SLC25A20: variants seen among roughly 807,000 people sequenced by gnomAD.
The protein encoded by SLC25A20 is solute carrier family 25 member 20.
In SLC25A20, 29 loss-of-function variants were observed where a neutral mutation model predicts 39.7. That is an observed-to-expected ratio of 0.73 (90% CI 0.54 to 1.00). The LOEUF (loss-of-function observed/expected upper bound fraction) is 1.00, where lower values mean the gene tolerates loss of function less well. SLC25A20 is among the 50% of genes least tolerant of loss of function. The pLI, the probability that SLC25A20 is intolerant of heterozygous loss-of-function variation, is 0.00. For missense variants in SLC25A20, 333 were observed against 379.9 expected (o/e 0.88, Z 1.03); for synonymous variants, 103 against 142.2 (o/e 0.72, Z 1.96).
chr3:48,898,158 G>A (rs2083922964), intron 1 of SLC25A20, among the ~76,000 whole-genome samples: 2 of 152,286 alleles, frequency 1.3e-5, no homozygotes, highest in Non-Finnish European at 2.9e-5. Flanking sequence ...CTGCCCAGGA[G>A]GCTGAGCAGG....
rs574683335 is a variant in SLC25A20 at position 48,857,295 on chromosome 3, TGAA to T, written c.*412_*414del. 57 of 260,782 alleles carry T rather than the reference TGAA, an allele frequency of 2.2e-4. 1 individual carries two copies. The highest frequency in any genetic ancestry group is 1.1e-3 in the African/African-American group (51 of 45,108). 16.2% of individuals were successfully genotyped at this position (260,782 alleles called of 1,614,324 possible). ...CAAATGGGTATTCCTGGCTAGGGAC[TGAA>T]GAAGATCTCAGCTCCTGGTGATCTG... is the stretch of plus-strand genomic sequence containing the variant. On this transcript the variant is annotated 3_prime_UTR_variant, in exon 9 of 9. Transcript: ENST00000319017.
At chr3:48,871,274 C>A (rs2083712455) in intron 4 of SLC25A20, among the ~76,000 whole-genome samples, 1 of 150,618 alleles carries the variant, frequency 6.6e-6, no homozygotes, top group Non-Finnish European at 1.5e-5. Context: ...TCTAAATTTT[C>A]TAAATTATCC....
chr3:48,886,252 C>T (rs4974086), intron 2 of SLC25A20, among the ~76,000 whole-genome samples: 2,170 of 152,108 alleles, frequency 0.014, 171 homozygotes, highest in Admixed American at 0.12. Context: ...TGGCCGGGTG[C>T]GGTGGCTCAT....
intron 1 of SLC25A20, among the ~76,000 whole-genome samples, chr3:48,892,504 T>C (rs1370695986): frequency 6.6e-6 from 1 of 152,152 alleles, no homozygotes; most frequent in Non-Finnish European, 1.5e-5. Flanking sequence ...AATTGGCTCA[T>C]ACAATTATAA....
At chr3:48,892,199 T>A in intron 1 of SLC25A20, 127 bp from the exon 2 acceptor site, 1 of 744,002 alleles carries the variant, frequency 1.3e-6, no homozygotes, top group Non-Finnish European at 2.5e-6. Context: ...GGCATTCACT[T>A]AACCTGCTGG....
At chr3:48,886,609 A>C (rs962675442) in intron 2 of SLC25A20, among the ~76,000 whole-genome samples, 1 of 152,086 alleles carries the variant, frequency 6.6e-6, no homozygotes, top group African/African-American at 2.4e-5. Flanking sequence ...CAGCATAAAC[A>C]ACTGAAAAAA....
intron 3 of SLC25A20, among the ~76,000 whole-genome samples, chr3:48,882,691 C>G (rs1008185046): frequency 2.6e-5 from 4 of 152,042 alleles, no homozygotes; most frequent in Non-Finnish European, 4.4e-5. Context: ...GAGCACCCCC[C>G]GCCGCCCCGA....
intron 1 of SLC25A20, chr3:48,895,752 T>C (rs1344727677): frequency 2.2e-6 from 1 of 456,426 alleles, no homozygotes; most frequent in Non-Finnish European, 4.4e-6. Context: ...GAGGCCACCA[T>C]ACCTTTACAT....
intron 4 of SLC25A20, among the ~76,000 whole-genome samples, chr3:48,867,792 G>A (rs1247559659): frequency 1.3e-5 from 2 of 151,770 alleles, no homozygotes; most frequent in African/African-American, 4.8e-5. Context: ...CGGGCATGGT[G>A]GCTCATGCCT....
At chr3:48,871,799 A>G (rs2083717374) in intron 4 of SLC25A20, among the ~76,000 whole-genome samples, 1 of 150,932 alleles carries the variant, frequency 6.6e-6, no homozygotes, top group African/African-American at 2.4e-5. Context: ...GAGAGAGAGA[A>G]ACAAATCACA....
Position 48,878,963 on chromosome 3 carries a change from C to T in SLC25A20, c.417+395G>A, listed in dbSNP as rs1213577453. ...ACACAGCTCACTGCAACCTGTCTCCCGGGTTCAAGTGATTCTCCTGCCTCA... is the reference window on the plus strand; with the variant it reads ...ACACAGCTCACTGCAACCTGTCTCCTGGGTTCAAGTGATTCTCCTGCCTCA... On this transcript the variant is annotated intron_variant, in intron 4 of 8. Transcript: ENST00000319017. Among the ~76,000 whole-genome samples the T allele has an allele frequency of 9.2e-5, 14 of 151,904 alleles. No homozygotes were observed. In the South Asian group the frequency reaches 1.7e-3, roughly 18 times the overall value.
At position 48,868,594 on chromosome 3, in the gene SLC25A20, T is replaced by C. The variant is rs141255174; in HGVS notation, c.418-5935A>G. ...TGGTGAGTTCCTTGGGTTTTCCTTT[T>C]ACCCTGCATATGTCAGCTGAAAAAG... On this transcript the variant is annotated intron_variant, in intron 4 of 8. Coordinates refer to ENST00000319017, the MANE Select transcript of SLC25A20 (RefSeq NM_000387.6). Among the ~76,000 whole-genome samples the C allele has an allele frequency of 1.2e-4, 18 of 152,286 alleles. No individual in the cohort carries two copies. In the East Asian group the frequency reaches 2.5e-3, roughly 21 times the overall value.
At chr3:48,865,361 C>T (rs976946086) in intron 4 of SLC25A20, among the ~76,000 whole-genome samples, 4 of 151,798 alleles carry the variant, frequency 2.6e-5, no homozygotes, top group Non-Finnish European at 5.9e-5. Flanking sequence ...CTCTTGACCT[C>T]GTGATCCATC....
At chr3:48,887,760 G>A (rs2083840048) in intron 2 of SLC25A20, among the ~76,000 whole-genome samples, 1 of 152,094 alleles carries the variant, frequency 6.6e-6, no homozygotes, top group Non-Finnish European at 1.5e-5. Context: ...AAATTAGTCG[G>A]GCATGGTGGC....
At chr3:48,877,060 C>T (rs2083763683) in intron 4 of SLC25A20, among the ~76,000 whole-genome samples, 1 of 151,954 alleles carries the variant, frequency 6.6e-6, no homozygotes, top group Non-Finnish European at 1.5e-5. Flanking sequence ...CATACCACTG[C>T]ACTCCAGTCT....
chr3:48,874,408 T>C (rs1331157028), intron 4 of SLC25A20, among the ~76,000 whole-genome samples: 2 of 150,474 alleles, frequency 1.3e-5, no homozygotes, highest in Non-Finnish European at 3.0e-5. Context: ...CAAGGTTACA[T>C]TGTGCTATGA....
chr3:48,865,772 CAAAAA>C (rs1202666164), intron 4 of SLC25A20, among the ~76,000 whole-genome samples: 1 of 78,072 alleles, frequency 1.3e-5, no homozygotes, highest in African/African-American at 4.9e-5. Flanking sequence ...CTGTCTCAAA[CAAAAA>C]AAAAAAAAAG....
intron 6 of SLC25A20, 109 bp from the exon 7 acceptor site, chr3:48,859,310 G>T (rs2083605194): frequency 3.0e-6 from 3 of 1,016,186 alleles, no homozygotes; most frequent in Non-Finnish European, 4.6e-6. Flanking sequence ...AAACTGGTTG[G>T]AGGGAGGAGG....
intron 3 of SLC25A20, among the ~76,000 whole-genome samples, chr3:48,883,136 A>G (rs1356822171): frequency 2.0e-5 from 3 of 152,070 alleles, no homozygotes; most frequent in East Asian, 1.9e-4. Context: ...TGGAGCTTAC[A>G]GTGAGCCGAG....
Sources: gnomAD v4.1 joint callset for allele counts (sites outside exome capture counted in the v4.1 genomes callset) on GRCh38, gnomAD v4.1.1 for gene constraint, MANE v1.5 for transcripts, NCBI Gene and HGNC (gene_info 2026-07-23, HGNC 2026-07-21) for gene names.